Variants in IMMP2L observed in about 807,000 individuals in gnomAD.
IMMP2L encodes mitochondrial inner membrane protease subunit 2.
In IMMP2L, 18 loss-of-function variants were observed where a neutral mutation model predicts 19.3. The observed-to-expected ratio is 0.93, with a 90% CI of 0.64 to 1.38. IMMP2L has a LOEUF of 1.38. Among genes scored for constraint, IMMP2L ranks in the 40% most tolerant of loss-of-function variants. The pLI is 0.00. For missense variants in IMMP2L, 233 were observed against 218.2 expected, an observed-to-expected ratio of 1.07 and a Z score of -0.43; for synonymous variants, 76 against 73.0, an observed-to-expected ratio of 1.04 and a Z score of -0.21.
At chr7:111,390,265 T>C (rs1352796225) in intron 3 of IMMP2L, among the ~76,000 whole-genome samples, 1 of 152,150 alleles carries the variant, frequency 6.6e-6, no homozygotes, top group Non-Finnish European at 1.5e-5. Context: ...AGGGCCCCAC[T>C]GGCTTGTCTA....
chr7:111,385,509 C>T (rs1391038025), intron 3 of IMMP2L, among the ~76,000 whole-genome samples: 3 of 152,058 alleles, frequency 2.0e-5, no homozygotes, highest in Non-Finnish European at 4.4e-5. Context: ...CAAAAAGATG[C>T]CAAGTGGTCC....
intron 5 of IMMP2L, among the ~76,000 whole-genome samples, chr7:110,780,392 A>C (rs6977769): frequency 1.3e-5 from 2 of 151,350 alleles, no homozygotes; most frequent in Non-Finnish European, 2.9e-5. Context: ...ACTGGCAAGC[A>C]TATTACTTGA....
chr7:111,329,987 C>G (rs1584657203), intron 3 of IMMP2L, among the ~76,000 whole-genome samples: 1 of 151,766 alleles, frequency 6.6e-6, no homozygotes, highest in South Asian at 2.1e-4. Flanking sequence ...CTGGCAAGAA[C>G]AGTGGCAAAA....
intron 3 of IMMP2L, among the ~76,000 whole-genome samples, chr7:111,315,634 T>C (rs1823978334): frequency 6.6e-6 from 1 of 151,824 alleles, no homozygotes; most frequent in South Asian, 2.1e-4. Context: ...CCAATCATAG[T>C]AATACCTTCC....
intron 5 of IMMP2L, among the ~76,000 whole-genome samples, chr7:110,751,703 A>T (rs948175279): frequency 1.6e-4 from 25 of 152,058 alleles, no homozygotes; most frequent in Admixed American, 1.6e-3. Flanking sequence ...AGGTTTGTTT[A>T]AGCCTAGATT....
intron 5 of IMMP2L, among the ~76,000 whole-genome samples, chr7:110,844,087 T>G (rs1219212832): frequency 6.6e-6 from 1 of 152,156 alleles, no homozygotes; most frequent in Non-Finnish European, 1.5e-5. Flanking sequence ...TCACTGCCAT[T>G]GCTGAGCCAA....
intron 3 of IMMP2L, chr7:111,392,944 G>C (rs757404166): frequency 4.8e-6 from 2 of 420,594 alleles, no homozygotes; most frequent in Admixed American, 2.8e-5. Context: ...GGATGTGTTC[G>C]CCAATTATAA....
chr7:111,004,323 C>A (rs1033999561), intron 3 of IMMP2L, among the ~76,000 whole-genome samples: 4 of 152,088 alleles, frequency 2.6e-5, no homozygotes, highest in Non-Finnish European at 5.9e-5. Flanking sequence ...TCACGCCTGG[C>A]TAATTTTTAT....
chr7:111,355,670 A>G (rs1201974556), intron 3 of IMMP2L, among the ~76,000 whole-genome samples: 2 of 151,982 alleles, frequency 1.3e-5, no homozygotes, highest in South Asian at 2.1e-4. Flanking sequence ...AATGTTGTTC[A>G]TGAGTAATCT....
At chr7:111,379,273 C>T (rs6960792) in intron 3 of IMMP2L, among the ~76,000 whole-genome samples, 2,982 of 150,714 alleles carry the variant, frequency 0.02, 106 homozygotes, top group African/African-American at 0.069. Flanking sequence ...CTTCCTCTCT[C>T]CTACAACATA....
At position 111,111,942 on chromosome 7, in the gene IMMP2L, G is replaced by GTTT. The variant is rs748410980; in HGVS notation, c.240-148380_240-148378dup. Among the ~76,000 whole-genome samples, 673 of 84,178 alleles carry GTTT rather than the reference G, an allele frequency of 8.0e-3. 7 individuals are homozygous for GTTT. Among genetic ancestry groups the GTTT allele is most frequent in the African/African-American group, 9.3e-3 (187 of 20,172 alleles). 55.2% of individuals were successfully genotyped at this position (84,178 alleles called of 152,430 possible). A position where few individuals can be genotyped will look rare whatever the true frequency, so the allele number is the denominator to read the frequency against. On this transcript the variant is annotated intron_variant, in intron 3 of 5. Transcript: ENST00000405709. Reference sequence around the variant, plus strand: ...TTATTTATATATATATATATAGTTTGTTTTTTTTTTTTTTTTTTTTTTTGA... The same window carrying GTTT: ...TTATTTATATATATATATATAGTTTGTTTTTTTTTTTTTTTTTTTTTTTTTTGA...
intron 3 of IMMP2L, among the ~76,000 whole-genome samples, chr7:110,991,659 C>G (rs1056532670): frequency 6.6e-6 from 1 of 152,170 alleles, no homozygotes; most frequent in East Asian, 1.9e-4. Context: ...CTAGTAGACT[C>G]TGCTAATTGC....
chr7:110,793,163 TAATCCCAGCACTTTGGGAGGCCG>T (rs1164780919), intron 5 of IMMP2L, among the ~76,000 whole-genome samples: 1 of 152,052 alleles, frequency 6.6e-6, no homozygotes, highest in African/African-American at 2.4e-5. Flanking sequence ...CTCACACCTG[TAATCCCAGCACTTTGGGAGGCCG>T]AAGTGGGTGG....
At position 111,063,499 on chromosome 7, in the gene IMMP2L, G is replaced by A. The variant is rs146546216; in HGVS notation, c.240-99934C>T. Among the ~76,000 whole-genome samples the A allele has an allele frequency of 3.7e-4, 56 of 152,250 alleles. No individual in the cohort carries two copies. In the East Asian group the frequency reaches 8.5e-3, roughly 23 times the overall value. ...TAACATTTGGCTCCTCACTACTTAC[G>A]CAAATTTCTGCAGCAGGCTTGAATT... is the stretch of plus-strand genomic sequence containing the variant. On this transcript the variant is annotated intron_variant, in intron 3 of 5. Coordinates refer to ENST00000405709, the MANE Select transcript of IMMP2L (RefSeq NM_032549.4).
intron 4 of IMMP2L, among the ~76,000 whole-genome samples, chr7:110,939,879 A>T (rs1201409804): frequency 1.3e-5 from 2 of 152,208 alleles, no homozygotes; most frequent in Non-Finnish European, 2.9e-5. Context: ...ACCCAATGCT[A>T]TATTTTGCTA....
Position 111,123,072 on chromosome 7 carries a change from T to C in IMMP2L, c.240-159507A>G, listed in dbSNP as rs1244226720. On this transcript the variant is annotated intron_variant, in intron 3 of 5. Transcript: ENST00000405709. This position sits in a 1 kb window ranked among gnomAD's most constrained non-coding sequence, Gnocchi z 6.4. ...TAAACCTTACTGGCCTGGATTTATC[T>C]CAAAACAATTTATCTTCAGTCACCA... The C allele has an allele frequency of 1.2e-6, 2 of 1,613,724 alleles. No individual in the cohort carries two copies. The highest frequency in any genetic ancestry group is 2.7e-5 in the African/African-American group (2 of 74,902).
At chr7:110,712,509 A>C (rs1249440050) in intron 5 of IMMP2L, among the ~76,000 whole-genome samples, 1 of 24,528 alleles carries the variant, frequency 4.1e-5, no homozygotes, top group Non-Finnish European at 9.4e-5. Context: ...AGAGGCAGGC[A>C]GGCCTCCTTG....
chr7:111,052,143 C>A (rs1444105075), intron 3 of IMMP2L, among the ~76,000 whole-genome samples: 1 of 152,192 alleles, frequency 6.6e-6, no homozygotes, highest in Non-Finnish European at 1.5e-5. Flanking sequence ...AGTATTTTAT[C>A]CCAAAATATA....
intron 3 of IMMP2L, among the ~76,000 whole-genome samples, chr7:111,172,874 G>C: frequency 6.6e-6 from 1 of 151,498 alleles, no homozygotes; most frequent in East Asian, 1.9e-4. Context: ...AAATCAACTT[G>C]AAATTGGCAA....
Sources: gnomAD v4.1 joint callset for allele counts (sites outside exome capture counted in the v4.1 genomes callset) on GRCh38, gnomAD v4.1.1 for gene constraint, Gnocchi (gnomAD v3.1) non-coding constraint, MANE v1.5 for transcripts, NCBI Gene and HGNC (gene_info 2026-07-23, HGNC 2026-07-21) for gene names.